The following RALGAPA1 variants were observed in gnomAD, a reference collection of about 807,000 sequenced individuals.
The protein encoded by RALGAPA1 is Ral GTPase activating protein catalytic subunit alpha 1, also known as ral GTPase-activating protein subunit alpha-1.
In RALGAPA1, 52 loss-of-function variants were observed where a neutral mutation model predicts 269.6. The observed-to-expected ratio is 0.19, with a 90% confidence interval of 0.15 to 0.24. The LOEUF (loss-of-function observed/expected upper bound fraction) is 0.24, where lower values mean the gene tolerates loss of function less well. Ranked by LOEUF, RALGAPA1 falls within the 10% of genes least tolerant of loss-of-function variation. The probability of loss-of-function intolerance (pLI) is 1.00; values close to 1 mark genes in which losing one functional copy is unlikely to be tolerated. For synonymous variants in RALGAPA1, 817 were observed against 1,008.3 expected (o/e 0.81, Z 3.60); for missense variants, 1,917 against 3,013.9 (o/e 0.64, Z 8.52).
chr14:35,807,972 C>T (rs2077490818), intron 1 of RALGAPA1: 1 of 152,134 alleles, frequency 6.6e-6, no homozygotes, highest in Admixed American at 6.5e-5. Flanking sequence ...AACTACTGGA[C>T]CAGATGTTCC....
chr14:35,676,060 G>A (rs2064912315), intron 22 of RALGAPA1, among the ~76,000 whole-genome samples: 1 of 152,072 alleles, frequency 6.6e-6, no homozygotes, highest in Non-Finnish European at 1.5e-5. Context: ...ACACACTGAA[G>A]TGTTAACCAT....
chr14:35,540,014 A>C (rs1321948965), intron 41 of RALGAPA1, among the ~76,000 whole-genome samples: 1 of 152,138 alleles, frequency 6.6e-6, no homozygotes, highest in Non-Finnish European at 1.5e-5. Flanking sequence ...GGAAGGGGTC[A>C]AGAAGCAGGT....
intron 36 of RALGAPA1, among the ~76,000 whole-genome samples, chr14:35,596,593 G>C (rs10132662): frequency 0.34 from 52,347 of 151,930 alleles, 12,483 homozygotes; most frequent in African/African-American, 0.67. Flanking sequence ...CTGAACACAT[G>C]TCAAATATCA....
intron 1 of RALGAPA1, among the ~76,000 whole-genome samples, chr14:35,802,333 A>C (rs2077039071): frequency 6.6e-6 from 1 of 152,138 alleles, no homozygotes; most frequent in Non-Finnish European, 1.5e-5. Context: ...TAACAGAACT[A>C]AGTCAGTTCA....
chr14:35,641,659 C>T (rs1359354846), intron 31 of RALGAPA1, among the ~76,000 whole-genome samples: 1 of 152,032 alleles, frequency 6.6e-6, no homozygotes, highest in Non-Finnish European at 1.5e-5. Flanking sequence ...TTTCAATAAT[C>T]ATGTCCATAC....
chr14:35,554,425 C>A (rs914778341), intron 39 of RALGAPA1, among the ~76,000 whole-genome samples: 3 of 137,046 alleles, frequency 2.2e-5, no homozygotes, highest in African/African-American at 8.5e-5. Flanking sequence ...CGGCTCACTG[C>A]AAGCTCCGCC....
intron 1 of RALGAPA1, among the ~76,000 whole-genome samples, chr14:35,805,046 G>A (rs941916072): frequency 4.0e-5 from 6 of 151,594 alleles, no homozygotes; most frequent in Non-Finnish European, 8.8e-5. Context: ...CCAGCACTTT[G>A]GGAGGCTGAG....
intron 7 of RALGAPA1, among the ~76,000 whole-genome samples, chr14:35,753,756 C>G (rs2072939246): frequency 6.6e-6 from 1 of 152,140 alleles, no homozygotes; most frequent in African/African-American, 2.4e-5. Flanking sequence ...TAAAATTATA[C>G]TGTGATGGCT....
intron 26 of RALGAPA1, among the ~76,000 whole-genome samples, chr14:35,667,988 C>T (rs1178826681): frequency 1.3e-5 from 2 of 152,154 alleles, no homozygotes; most frequent in Non-Finnish European, 2.9e-5. Flanking sequence ...GAACAAAATC[C>T]TGTCATCTGC....
intron 16 of RALGAPA1, among the ~76,000 whole-genome samples, chr14:35,701,811 T>G (rs2067375222): frequency 6.6e-6 from 1 of 151,838 alleles, no homozygotes; most frequent in South Asian, 2.1e-4. Context: ...CTTGGCTAAT[T>G]TTTTTTTCTC....
intron 1 of RALGAPA1, among the ~76,000 whole-genome samples, chr14:35,785,462 T>C (rs539209444): frequency 8.3e-4 from 126 of 152,214 alleles, no homozygotes; most frequent in Non-Finnish European, 1.4e-3. Flanking sequence ...TACTGGAAAA[T>C]GCATTACACT....
At chr14:35,644,494 G>A (rs78574639) in intron 31 of RALGAPA1, among the ~76,000 whole-genome samples, 3 of 152,260 alleles carry the variant, frequency 2.0e-5, no homozygotes, top group Non-Finnish European at 4.4e-5. Context: ...GGGAAAGGGG[G>A]ACTACGAAGT....
chr14:35,603,094 A>G (rs1420266122), intron 36 of RALGAPA1, among the ~76,000 whole-genome samples: 1 of 152,108 alleles, frequency 6.6e-6, no homozygotes, highest in Non-Finnish European at 1.5e-5. Context: ...CCACTGATCT[A>G]TATGTCTATC....
At chr14:35,682,541 T>G (rs943692406) in intron 21 of RALGAPA1, among the ~76,000 whole-genome samples, 1 of 151,990 alleles carries the variant, frequency 6.6e-6, no homozygotes, top group African/African-American at 2.4e-5. Flanking sequence ...CTCCTGACCT[T>G]GTGATCTGCC....
rs533527274 is a variant in RALGAPA1 at position 35,596,781 on chromosome 14, G to A, written c.7054-992C>T. On this transcript the variant is annotated intron_variant, in intron 36 of 41. Coordinates refer to ENST00000680220, the MANE Select transcript of RALGAPA1 (RefSeq NM_001346249.2). ...CAAAATTCTTCCTTTCATGTCTCTC[G>A]CCTGCAACTACTCAGTTACCTTCTC... Among the ~76,000 whole-genome samples the A allele has an allele frequency of 7.2e-5, 11 of 151,978 alleles. No individual in the cohort carries two copies. In the South Asian group the frequency reaches 8.3e-4, roughly 12 times the overall value.
intron 1 of RALGAPA1, among the ~76,000 whole-genome samples, chr14:35,806,650 T>C (rs2077405041): frequency 6.6e-6 from 1 of 152,132 alleles, no homozygotes; most frequent in African/African-American, 2.4e-5. Flanking sequence ...GCAGTTCTGT[T>C]TGGTCCCATA....
At chr14:35,764,580 C>G (rs2073990009) in intron 4 of RALGAPA1, among the ~76,000 whole-genome samples, 1 of 152,090 alleles carries the variant, frequency 6.6e-6, no homozygotes, top group African/African-American at 2.4e-5. Context: ...GGTTCTCACT[C>G]TGTCACCCAG....
At chr14:35,619,412 G>A (rs1287510596) in intron 35 of RALGAPA1, among the ~76,000 whole-genome samples, 2 of 152,046 alleles carry the variant, frequency 1.3e-5, no homozygotes, top group African/African-American at 2.4e-5. Flanking sequence ...ATCTAAAATC[G>A]ACACCCTAAC....
At chr14:35,601,968 C>G (rs1248687490) in intron 36 of RALGAPA1, among the ~76,000 whole-genome samples, 3 of 152,098 alleles carry the variant, frequency 2.0e-5, no homozygotes, top group Non-Finnish European at 4.4e-5. Context: ...TTGTCACCCC[C>G]CTCCTCCCTC....
Sources: allele counts gnomAD v4.1 joint callset (sites outside exome capture counted in the v4.1 genomes callset), GRCh38; gene constraint gnomAD v4.1.1; transcripts MANE v1.5; gene names NCBI Gene and HGNC (gene_info 2026-07-23, HGNC 2026-07-21).